Variants in GARNL3 observed in about 807,000 individuals in gnomAD.
GARNL3 encodes the protein GTPase-activating Rap/Ran-GAP domain-like protein 3.
GARNL3 carries 63 observed loss-of-function variants against 125.0 expected under a neutral mutation model. The observed-to-expected ratio is 0.50, with a 90% CI of 0.41 to 0.62. The LOEUF (loss-of-function observed/expected upper bound fraction) is 0.62. Ranked by LOEUF, GARNL3 falls within the 20% of genes least tolerant of loss-of-function variation. The probability of loss-of-function intolerance (pLI) is 0.00; values close to 1 mark genes in which losing one functional copy is unlikely to be tolerated. For synonymous variants in GARNL3, 439 were observed against 457.5 expected (o/e 0.96, Z 0.52); for missense variants, 994 against 1,244.0 (o/e 0.80, Z 3.02).
intron 1 of GARNL3, among the ~76,000 whole-genome samples, chr9:127,277,518 C>A (rs7854854): frequency 2.2e-3 from 329 of 151,748 alleles, no homozygotes; most frequent in Middle Eastern, 0.017. Flanking sequence ...CATCTTTATG[C>A]ATTCAAGCAA....
At chr9:127,370,171 G>T (rs1395491116) in intron 22 of GARNL3, among the ~76,000 whole-genome samples, 1 of 152,204 alleles carries the variant, frequency 6.6e-6, no homozygotes, top group African/African-American at 2.4e-5. Flanking sequence ...AGCCCGATGG[G>T]CCAGGACATT....
intron 14 of GARNL3, among the ~76,000 whole-genome samples, chr9:127,343,170 A>G (rs1007444030): frequency 6.6e-6 from 1 of 151,920 alleles, no homozygotes; most frequent in Non-Finnish European, 1.5e-5. Context: ...AAGTGCTGGG[A>G]TTACTGTCAT....
chr9:127,361,804 A>T (rs1010721630), intron 21 of GARNL3: 1 of 152,148 alleles, frequency 6.6e-6, no homozygotes, highest in Non-Finnish European at 1.5e-5. Context: ...GTCTGTGGTC[A>T]TTGTGCATAG....
At chr9:127,302,155 G>A (rs941007325) in intron 2 of GARNL3, among the ~76,000 whole-genome samples, 13 of 151,712 alleles carry the variant, frequency 8.6e-5, no homozygotes, top group African/African-American at 2.7e-4. Flanking sequence ...TGTCAGCCAG[G>A]ATGGTCTCGA....
rs777791714 is a variant in GARNL3, at chr9:127,311,661, G to C, written c.245G>C (p.Trp82Ser). The change falls in exon 3 of 28, where the codon TGG becomes TCG. Residue 82 changes from tryptophan (W) to serine (S), a missense_variant. By Grantham distance (177) the Trp-to-Ser change is radical (BLOSUM62 -3). Around this residue, in one of 5 missense-constraint regions of GARNL3, gnomAD observed 139 missense variants for 231.6 expected, o/e 0.60. Transcript: ENST00000373387. ...AATGCAACTGCCCTGCCTGGTACTT[G>C]GCGAAGAACAGACGTGCACTTAGAG... is the stretch of plus-strand genomic sequence containing the variant. ...DENATALPGT[W>S]RRTDVHLENP... is the part of the protein sequence containing the mutation. 5.6e-6 allele frequency: 9 copies of C among 1,613,692 alleles called. No individual in the cohort carries two copies. The highest frequency in any genetic ancestry group is 1.7e-6 in the Non-Finnish European group (2 of 1,179,754).
chr9:127,336,298 C>T (rs1829553332), intron 11 of GARNL3, 62 bp downstream of exon 11: 1 of 1,149,498 alleles, frequency 8.7e-7, no homozygotes, highest in African/African-American at 1.5e-5. Flanking sequence ...CACTGGACTT[C>T]CATGACCCTT....
At chr9:127,313,667 C>T in intron 4 of GARNL3, 108 bp downstream of exon 4, 1 of 790,222 alleles carries the variant, frequency 1.3e-6, no homozygotes, top group Non-Finnish European at 2.2e-6. Flanking sequence ...GCCTCATAGT[C>T]TTCTCGTGAT....
In GARNL3 at chr9:127,347,396, T is replaced by G. The variant is rs567436544; in HGVS notation, c.1432-1528T>G. Among the ~76,000 whole-genome samples the G allele has an allele frequency of 3.9e-5, 6 of 152,204 alleles. No homozygotes were observed. The East Asian group carries it at 1.2e-3, about 29-fold the overall frequency. ...ATGTTCACACCACTGCACTCCAGCC[T>G]GGGTGACAGAGCAAGACCTCGTCTC... On this transcript the variant is annotated intron_variant, in intron 16 of 27. Coordinates refer to ENST00000373387, the MANE Select transcript of GARNL3 (RefSeq NM_032293.5).
At chr9:127,270,673 A>G (rs538934335) in intron 1 of GARNL3, among the ~76,000 whole-genome samples, 15 of 152,272 alleles carry the variant, frequency 9.9e-5, no homozygotes, top group African/African-American at 3.6e-4. Flanking sequence ...CTGTAACTCA[A>G]CATCCTATTT....
At chr9:127,275,578 G>T (rs2063933044) in intron 1 of GARNL3, among the ~76,000 whole-genome samples, 1 of 152,130 alleles carries the variant, frequency 6.6e-6, no homozygotes, top group African/African-American at 2.4e-5. Context: ...AGAGCTTTTG[G>T]CCCTGTTTGT....
chr9:127,244,397 A>C (rs370137144), intron 2 of GARNL3, among the ~76,000 whole-genome samples: 1 of 152,206 alleles, frequency 6.6e-6, no homozygotes. Flanking sequence ...GCTCACATGC[A>C]TGAGGCTGTG....
intron 1 of GARNL3, among the ~76,000 whole-genome samples, chr9:127,234,172 T>A (rs1040229908): frequency 1.3e-5 from 2 of 152,212 alleles, no homozygotes; most frequent in African/African-American, 4.8e-5. Flanking sequence ...AATTTTCATA[T>A]TATGTCTGTT....
intron 5 of GARNL3, among the ~76,000 whole-genome samples, chr9:127,320,111 A>G (rs1400350317): frequency 5.3e-5 from 8 of 152,174 alleles, no homozygotes; most frequent in African/African-American, 1.7e-4. Context: ...CTGAGCTTCA[A>G]TTTCCTGGGG....
chr9:127,268,553 T>A (rs2063751776), intron 1 of GARNL3, among the ~76,000 whole-genome samples: 1 of 152,234 alleles, frequency 6.6e-6, no homozygotes, highest in African/African-American at 2.4e-5. Flanking sequence ...TTATTTTTTA[T>A]TGTGGTAAAA....
At chr9:127,251,142 T>A (rs1376335011) in intron 2 of GARNL3, among the ~76,000 whole-genome samples, 1 of 152,194 alleles carries the variant, frequency 6.6e-6, no homozygotes, top group Non-Finnish European at 1.5e-5. Context: ...TCAGTGCTTT[T>A]AAGAGGCAAA....
At chr9:127,334,668 A>G (rs1041689372) in intron 9 of GARNL3, among the ~76,000 whole-genome samples, 8 of 152,218 alleles carry the variant, frequency 5.3e-5, no homozygotes, top group Non-Finnish European at 1.2e-4. Flanking sequence ...GCACTTTGCA[A>G]ATATAATCTC....
intron 2 of GARNL3, among the ~76,000 whole-genome samples, chr9:127,305,083 T>C (rs1431818957): frequency 1.3e-5 from 2 of 152,202 alleles, no homozygotes; most frequent in Non-Finnish European, 2.9e-5. Context: ...AACGAATCCA[T>C]GGTGATAGAA....
intron 2 of GARNL3, among the ~76,000 whole-genome samples, chr9:127,303,059 G>A (rs1166031720): frequency 6.6e-6 from 1 of 152,150 alleles, no homozygotes. Flanking sequence ...ACTGAGGCAG[G>A]AGAATGGCGT....
intron 2 of GARNL3, among the ~76,000 whole-genome samples, chr9:127,311,235 G>A (rs1224003176): frequency 3.5e-5 from 5 of 144,886 alleles, no homozygotes; most frequent in Admixed American, 6.9e-5. Context: ...TATGCATGGG[G>A]AAAAAAAAAA....
Sources: allele counts gnomAD v4.1 joint callset (sites outside exome capture counted in the v4.1 genomes callset), GRCh38; gene constraint gnomAD v4.1.1; regional missense constraint gnomAD v4.1.1; transcripts MANE v1.5; gene names NCBI Gene and HGNC (gene_info 2026-07-23, HGNC 2026-07-21).